Variants in UBR3 observed in about 807,000 individuals in gnomAD.
UBR3 encodes the protein E3 ubiquitin-protein ligase UBR3.
In UBR3, 85 loss-of-function variants were observed where a neutral mutation model predicts 243.2. The observed-to-expected ratio is 0.35, with a 90% CI of 0.29 to 0.42. The LOEUF is 0.42. UBR3 is among the 10% of genes least tolerant of loss of function. The pLI, the probability that UBR3 is intolerant of heterozygous loss-of-function variation, is 1.00. For synonymous variants in UBR3, 748 were observed against 799.8 expected, an observed-to-expected ratio of 0.94 and a Z score of 1.09; for missense variants, 1,686 against 2,300.8, an observed-to-expected ratio of 0.73 and a Z score of 5.47.
intron 25 of UBR3, among the ~76,000 whole-genome samples, chr2:169,991,172 T>C (rs1338700307): frequency 1.3e-5 from 2 of 152,174 alleles, no homozygotes; most frequent in African/African-American, 4.8e-5. Context: ...TATAAACATA[T>C]ATGCTCCAAA....
At chr2:169,846,691 C>T (rs1015986882) in intron 1 of UBR3, among the ~76,000 whole-genome samples, 6 of 144,366 alleles carry the variant, frequency 4.2e-5, no homozygotes, top group Non-Finnish European at 6.0e-5. Flanking sequence ...GCCTGGGCAA[C>T]AGGGCAAGAC....
chr2:169,938,342 A>T (rs1190041151), intron 19 of UBR3, among the ~76,000 whole-genome samples: 1 of 150,150 alleles, frequency 6.7e-6, no homozygotes, highest in Non-Finnish European at 1.5e-5. Context: ...AGTTCTCTGC[A>T]GCCTTGGGCC....
chr2:170,012,672 GGTT>G (rs2090120250), intron 29 of UBR3, among the ~76,000 whole-genome samples: 1 of 68,870 alleles, frequency 1.5e-5, no homozygotes, highest in Admixed American at 1.7e-4. Flanking sequence ...TGAAGATACT[GGTT>G]TTTTTTTTTT....
At chr2:169,965,800 AC>A (rs1390345800) in intron 24 of UBR3, among the ~76,000 whole-genome samples, 1 of 152,148 alleles carries the variant, frequency 6.6e-6, no homozygotes, top group African/African-American at 2.4e-5. Flanking sequence ...ATATTTTCTG[AC>A]CATGGTTGAC....
chr2:170,024,752 GTGT>G (rs1289610509), intron 30 of UBR3, among the ~76,000 whole-genome samples: 1 of 152,140 alleles, frequency 6.6e-6, no homozygotes, highest in Non-Finnish European at 1.5e-5. Flanking sequence ...TGGTCTTTCA[GTGT>G]TGTTTTCTCA....
intron 8 of UBR3, among the ~76,000 whole-genome samples, chr2:169,899,889 C>G (rs1483560200): frequency 1.3e-5 from 2 of 151,892 alleles, no homozygotes; most frequent in Non-Finnish European, 2.9e-5. Flanking sequence ...TTTTCTTTAT[C>G]TAGTCCATCA....
intron 1 of UBR3, among the ~76,000 whole-genome samples, chr2:169,852,865 A>C (rs958702419): frequency 6.2e-5 from 9 of 144,620 alleles, no homozygotes; most frequent in East Asian, 2.0e-4. Context: ...AAAAAAAAAA[A>C]AAAAAAAAAA....
chr2:169,990,837 G>T (rs1272106120), intron 25 of UBR3, among the ~76,000 whole-genome samples: 1 of 147,080 alleles, frequency 6.8e-6, no homozygotes, highest in African/African-American at 2.5e-5. Flanking sequence ...AGAAGAAATA[G>T]AAAACAAATA....
At chr2:169,937,407 G>A (rs2086382188) in intron 19 of UBR3, among the ~76,000 whole-genome samples, 2 of 152,132 alleles carry the variant, frequency 1.3e-5, no homozygotes, top group African/African-American at 4.8e-5. Flanking sequence ...CTGGATATTA[G>A]CCCTTTGTCA....
chr2:170,003,319 G>T (rs980849968), intron 27 of UBR3, among the ~76,000 whole-genome samples: 1 of 152,176 alleles, frequency 6.6e-6, no homozygotes, highest in African/African-American at 2.4e-5. Flanking sequence ...ATAGGATAAA[G>T]TTCACTATTC....
At chr2:169,901,242 T>A (rs1490944397) in intron 8 of UBR3, among the ~76,000 whole-genome samples, 1 of 152,228 alleles carries the variant, frequency 6.6e-6, no homozygotes, top group Non-Finnish European at 1.5e-5. Flanking sequence ...CAGTTAGTCT[T>A]TTCTGGAAAT....
At chr2:169,985,218 T>G (rs1289771280) in intron 24 of UBR3, among the ~76,000 whole-genome samples, 2 of 124,146 alleles carry the variant, frequency 1.6e-5, no homozygotes, top group Non-Finnish European at 3.3e-5. Context: ...TCATATCAAC[T>G]CTTTTCTTTT....
At chr2:169,899,424 T>C (rs1285270088) in intron 8 of UBR3, among the ~76,000 whole-genome samples, 2 of 152,204 alleles carry the variant, frequency 1.3e-5, no homozygotes, top group East Asian at 3.8e-4. Flanking sequence ...GTATCTGCTG[T>C]CATTCAGCTG....
intron 5 of UBR3, among the ~76,000 whole-genome samples, chr2:169,885,120 T>G (rs1169275566): frequency 6.6e-6 from 1 of 152,200 alleles, no homozygotes; most frequent in Non-Finnish European, 1.5e-5. Flanking sequence ...AGGTATGGCT[T>G]CAGGATTAGA....
At chr2:169,888,810 C>T (rs574013071) in intron 5 of UBR3, among the ~76,000 whole-genome samples, 381 of 152,180 alleles carry the variant, frequency 2.5e-3, no homozygotes, top group Non-Finnish European at 4.7e-3. Flanking sequence ...AGTTTTTGAA[C>T]ATCTGTTTGG....
chr2:169,842,460 C>T (rs1399763744), intron 1 of UBR3, among the ~76,000 whole-genome samples: 4 of 151,746 alleles, frequency 2.6e-5, no homozygotes, highest in African/African-American at 4.9e-5. Context: ...CTCTCGGGTC[C>T]CCTTCCACAC....
chr2:169,946,654 G>A (rs1355876094), intron 21 of UBR3, among the ~76,000 whole-genome samples: 2 of 151,900 alleles, frequency 1.3e-5, no homozygotes, highest in Non-Finnish European at 2.9e-5. Context: ...TTCTATTATG[G>A]AATTATTGAA....
chr2:170,071,167 G>GT (rs2091689564), intron 35 of UBR3, among the ~76,000 whole-genome samples: 1 of 152,138 alleles, frequency 6.6e-6, no homozygotes, highest in South Asian at 2.1e-4. Flanking sequence ...AAGTTTGGCA[G>GT]TTTTTAAAAA....
At chr2:170,061,547 A>G in intron 35 of UBR3, 104 bp downstream of exon 35, 1 of 1,397,352 alleles carries the variant, frequency 7.2e-7, no homozygotes, top group Non-Finnish European at 9.7e-7. Flanking sequence ...GGCTTACTGC[A>G]ACCTCCGCCT....
Sources: allele counts gnomAD v4.1 joint callset (sites outside exome capture counted in the v4.1 genomes callset), GRCh38; gene constraint gnomAD v4.1.1; transcripts MANE v1.5; gene names NCBI Gene and HGNC (gene_info 2026-07-23, HGNC 2026-07-21).